The following DCLK2 variants were observed in gnomAD, a reference collection of about 807,000 sequenced individuals.
DCLK2 encodes doublecortin like kinase 2.
A neutral mutation model predicts 78.4 loss-of-function variants in DCLK2; 31 were observed. The observed-to-expected ratio is 0.40, with a 90% CI of 0.30 to 0.53. The LOEUF is 0.53. Among genes scored for constraint, DCLK2 ranks in the 20% least tolerant of loss-of-function variants. The pLI is 0.61. For synonymous variants in DCLK2, 407 were observed against 374.9 expected, an observed-to-expected ratio of 1.09 and a Z score of -0.99; for missense variants, 872 against 973.7, an observed-to-expected ratio of 0.90 and a Z score of 1.39.
chr4:150,131,856 C>G (rs1003940897), intron 2 of DCLK2, among the ~76,000 whole-genome samples: 3 of 152,068 alleles, frequency 2.0e-5, no homozygotes, highest in African/African-American at 7.3e-5. Flanking sequence ...TGAGACTAAC[C>G]CCTTTTGTAA....
intron 2 of DCLK2, among the ~76,000 whole-genome samples, chr4:150,144,904 G>A (rs963470719): frequency 5.9e-5 from 9 of 152,126 alleles, no homozygotes; most frequent in South Asian, 4.1e-4. Context: ...CTAATTCTGC[G>A]CAATATGATG....
chr4:150,149,101 G>T (rs1243810946), intron 2 of DCLK2, among the ~76,000 whole-genome samples: 2 of 147,204 alleles, frequency 1.4e-5, no homozygotes, highest in Non-Finnish European at 3.0e-5. Context: ...AGAAAAGAAA[G>T]AAAGAAAGAA....
chr4:150,199,008 T>C, intron 4 of DCLK2: 5 of 1,551,458 alleles, frequency 3.2e-6, no homozygotes, highest in Non-Finnish European at 3.5e-6. Flanking sequence ...TTCTACTCTG[T>C]GTATACTGCA....
At chr4:150,222,728 G>T (rs1026089095) in intron 7 of DCLK2, among the ~76,000 whole-genome samples, 4 of 151,862 alleles carry the variant, frequency 2.6e-5, no homozygotes, top group African/African-American at 9.7e-5. Flanking sequence ...ATTCCAGGTT[G>T]GGTGGCACAC....
intron 2 of DCLK2, among the ~76,000 whole-genome samples, chr4:150,138,805 A>G (rs1412701693): frequency 6.6e-6 from 1 of 151,960 alleles, no homozygotes; most frequent in Non-Finnish European, 1.5e-5. Context: ...TAGCGGGACT[A>G]CAGGCGCCTG....
Position 150,134,076 on chromosome 4 carries a change from C to CTTTTTTTT in DCLK2, c.756+31279_756+31286dup, listed in dbSNP as rs768954755. ...TGCATGTCATTTTTGCGTATAAACT[C>CTTTTTTTT]TTTTTTTTTTTTTTTTTTTTTTGAG... is the stretch of plus-strand genomic sequence containing the variant. On this transcript the variant is annotated intron_variant, in intron 2 of 15. Coordinates refer to ENST00000296550, the MANE Select transcript of DCLK2 (RefSeq NM_001040260.4). 3.3e-4 allele frequency among the ~76,000 whole-genome samples: 31 copies of CTTTTTTTT among 94,834 alleles called. 1 individual carries two copies. The highest frequency in any genetic ancestry group is 4.3e-4 in the African/African-American group (10 of 23,528). 62.2% of individuals were successfully genotyped at this position (94,834 alleles called of 152,430 possible).
At chr4:150,139,786 A>C (rs549076495) in intron 2 of DCLK2, among the ~76,000 whole-genome samples, 2 of 152,360 alleles carry the variant, frequency 1.3e-5, no homozygotes, top group African/African-American at 4.8e-5. Flanking sequence ...CAGCAGTGCC[A>C]AAGCTAATGC....
At chr4:150,235,187 C>G (rs927488856) in intron 10 of DCLK2, among the ~76,000 whole-genome samples, 3 of 152,122 alleles carry the variant, frequency 2.0e-5, no homozygotes, top group African/African-American at 7.2e-5. Context: ...GTGAGCTTCC[C>G]TATAAACCAG....
chr4:150,091,903 G>A (rs1169237659), intron 1 of DCLK2, among the ~76,000 whole-genome samples: 1 of 151,810 alleles, frequency 6.6e-6, no homozygotes, highest in Non-Finnish European at 1.5e-5. Context: ...TTGTACAGCC[G>A]ATCTCCAGAA....
chr4:150,207,505 A>G (rs1001897460), intron 5 of DCLK2, among the ~76,000 whole-genome samples: 2 of 152,238 alleles, frequency 1.3e-5, no homozygotes, highest in African/African-American at 4.8e-5. Context: ...GAGATATAAA[A>G]TATAGACAAT....
intron 2 of DCLK2, among the ~76,000 whole-genome samples, chr4:150,135,228 G>A (rs892965032): frequency 2.0e-5 from 3 of 149,616 alleles, no homozygotes; most frequent in African/African-American, 7.4e-5. Context: ...TTTGAGAAAA[G>A]CTTGCTTCTT....
chr4:150,110,590 T>C (rs1161874179), intron 2 of DCLK2, among the ~76,000 whole-genome samples: 1 of 152,166 alleles, frequency 6.6e-6, no homozygotes, highest in Non-Finnish European at 1.5e-5. Context: ...ACCTGAGTAG[T>C]GTACATTGTA....
At chr4:150,248,203 G>A in intron 13 of DCLK2, 102 bp from the exon 14 acceptor site, 1 of 926,654 alleles carries the variant, frequency 1.1e-6, no homozygotes, top group Non-Finnish European at 1.7e-6. Context: ...AGCTGTGCTG[G>A]CTCTTCTCTG....
intron 1 of DCLK2, among the ~76,000 whole-genome samples, chr4:150,100,807 A>G (rs867512199): frequency 1.3e-5 from 2 of 152,234 alleles, no homozygotes; most frequent in Admixed American, 6.5e-5. Flanking sequence ...AGATAAGCCT[A>G]CAGAGATGAA....
chr4:150,231,637 A>G (rs1742078634), intron 8 of DCLK2, among the ~76,000 whole-genome samples: 1 of 152,190 alleles, frequency 6.6e-6, no homozygotes, highest in Non-Finnish European at 1.5e-5. Context: ...TACAGTGCTG[A>G]TCCCAACTGT....
chr4:150,152,602 C>G (rs999873463), intron 2 of DCLK2, among the ~76,000 whole-genome samples: 8 of 152,040 alleles, frequency 5.3e-5, no homozygotes, highest in Non-Finnish European at 7.4e-5. Flanking sequence ...ATTCCATATT[C>G]AGAATAGAGA....
At chr4:150,107,686 T>C (rs1226809299) in intron 2 of DCLK2, among the ~76,000 whole-genome samples, 1 of 152,158 alleles carries the variant, frequency 6.6e-6, no homozygotes, top group Non-Finnish European at 1.5e-5. Context: ...CAGTTTGTTG[T>C]CTTTATTGTC....
chr4:150,080,319 C>CCT (rs1371007872), intron 1 of DCLK2, among the ~76,000 whole-genome samples: 2 of 152,178 alleles, frequency 1.3e-5, no homozygotes, highest in African/African-American at 4.8e-5. Flanking sequence ...GTCAACCATG[C>CCT]CTCGGTCAAA....
intron 2 of DCLK2, among the ~76,000 whole-genome samples, chr4:150,110,595 A>G (rs1031651449): frequency 6.6e-6 from 1 of 152,088 alleles, no homozygotes; most frequent in South Asian, 2.1e-4. Flanking sequence ...AGTAGTGTAC[A>G]TTGTACCCAA....
Sources: allele counts gnomAD v4.1 joint callset (sites outside exome capture counted in the v4.1 genomes callset), GRCh38; gene constraint gnomAD v4.1.1; transcripts MANE v1.5; gene names NCBI Gene and HGNC (gene_info 2026-07-23, HGNC 2026-07-21).